Variants in CHD9 observed in about 807,000 individuals in gnomAD.
The protein encoded by CHD9 is ATP-dependent chromatin remodeler CHD9.
A neutral mutation model predicts 316.1 loss-of-function variants in CHD9; 77 were observed. That is an observed-to-expected ratio of 0.24 (90% CI 0.20 to 0.29). The LOEUF is 0.29. Ranked by LOEUF, CHD9 falls within the 10% of genes least tolerant of loss-of-function variation. The pLI is 1.00. For synonymous variants in CHD9, 1,129 were observed against 1,158.3 expected (o/e 0.97, Z 0.51); for missense variants, 2,763 against 3,438.1 (o/e 0.80, Z 4.91).
rs2041555631 is a variant in CHD9, at chr16:53,156,856, C to T, written c.767C>T (p.Ser256Phe). 6.2e-7 allele frequency: 1 copy of T among 1,613,656 alleles called. No individual in the cohort carries two copies. Among genetic ancestry groups the T allele is most frequent in the African/African-American group, 1.3e-5 (1 of 75,054 alleles). ...SHQEGNFNGP[S>F]PNMTSCSVSN... ...CAAGAAGGAAATTTTAATGGACCTT[C>T]CCCAAATATGACTTCTTGTTCTGTC... is the stretch of plus-strand genomic sequence containing the variant. The change falls in exon 2 of 39, where the codon TCC becomes TTC. Residue 256 changes from serine to phenylalanine, a missense_variant. Around this residue, in one of 15 missense-constraint regions of CHD9, gnomAD observed 859 missense variants for 890.4 expected, o/e 0.96. Transcript: ENST00000447540.
intron 29 of CHD9, among the ~76,000 whole-genome samples, chr16:53,294,130 G>A (rs1481993669): frequency 2.0e-5 from 3 of 152,112 alleles, no homozygotes; most frequent in Admixed American, 6.6e-5. Context: ...AATCGCAAGC[G>A]ACCTTATTAA....
At chr16:53,112,647 A>G (rs1486692986) in intron 1 of CHD9, among the ~76,000 whole-genome samples, 1 of 152,246 alleles carries the variant, frequency 6.6e-6, no homozygotes, top group Non-Finnish European at 1.5e-5. Context: ...TTCACTAACA[A>G]GACAAAAGAC....
At chr16:53,086,944 G>C (rs1353498582) in intron 1 of CHD9, among the ~76,000 whole-genome samples, 1 of 152,118 alleles carries the variant, frequency 6.6e-6, no homozygotes, top group Non-Finnish European at 1.5e-5. Flanking sequence ...ATCTTCAGGT[G>C]TCCCTTTCTG....
chr16:53,179,169 A>G (rs945181717), intron 2 of CHD9, among the ~76,000 whole-genome samples: 4 of 152,242 alleles, frequency 2.6e-5, no homozygotes, highest in Non-Finnish European at 4.4e-5. Context: ...TGCAGTTATC[A>G]TGAGACTTTA....
chr16:53,088,583 G>A (rs954406719), intron 1 of CHD9, among the ~76,000 whole-genome samples: 2 of 151,680 alleles, frequency 1.3e-5, no homozygotes, highest in Non-Finnish European at 2.9e-5. Flanking sequence ...CGGCCAACAT[G>A]CACTTATTTA....
At chr16:53,181,425 A>C (rs2043511856) in intron 2 of CHD9, among the ~76,000 whole-genome samples, 3 of 151,848 alleles carry the variant, frequency 2.0e-5, no homozygotes, top group Admixed American at 6.6e-5. Flanking sequence ...ATGGTACAGT[A>C]ATTTAAGTAA....
At chr16:53,219,559 C>G (rs2047065696) in intron 3 of CHD9, among the ~76,000 whole-genome samples, 1 of 152,072 alleles carries the variant, frequency 6.6e-6, no homozygotes, top group Admixed American at 6.5e-5. Context: ...TAGTGAGAAC[C>G]AGAAGACTCT....
At chr16:53,285,976 G>T (rs2053837917) in intron 25 of CHD9, among the ~76,000 whole-genome samples, 1 of 151,922 alleles carries the variant, frequency 6.6e-6, no homozygotes, top group Admixed American at 6.6e-5. Flanking sequence ...TTTGTGTGTG[G>T]GTATGATCAG....
At chr16:53,305,781 C>A (rs1028091694) in intron 31 of CHD9, among the ~76,000 whole-genome samples, 1 of 152,156 alleles carries the variant, frequency 6.6e-6, no homozygotes, top group African/African-American at 2.4e-5. Flanking sequence ...GTAACAACTC[C>A]ATAGGCATAA....
chr16:53,128,227 G>A (rs1483776281), intron 1 of CHD9, among the ~76,000 whole-genome samples: 1 of 152,056 alleles, frequency 6.6e-6, no homozygotes, highest in Admixed American at 6.6e-5. Flanking sequence ...CTGTCATCCA[G>A]GATGGAGTGC....
At chr16:53,291,256 A>G (rs921911227) in intron 27 of CHD9, among the ~76,000 whole-genome samples, 5 of 152,232 alleles carry the variant, frequency 3.3e-5, no homozygotes, top group African/African-American at 1.2e-4. Flanking sequence ...GGAATAGCTA[A>G]TTAAAGATGC....
At chr16:53,142,642 A>G (rs772896798) in intron 1 of CHD9, among the ~76,000 whole-genome samples, 1 of 152,250 alleles carries the variant, frequency 6.6e-6, no homozygotes, top group African/African-American at 2.4e-5. Context: ...TCAAGGTTAC[A>G]CAGCTTAGAA....
In CHD9 at chr16:53,263,062, A is replaced by C; in HGVS notation, c.4285A>C (p.Lys1429Gln). The C allele has an allele frequency of 6.2e-7, 1 of 1,612,922 alleles. No individual in the cohort carries two copies. Among genetic ancestry groups the C allele is most frequent in the Non-Finnish European group, 8.5e-7 (1 of 1,179,186 alleles). ...CAACTTCTGGCAAAAATGGGCTAAA[A>C]AGGCAGAAATAGATATAGAGGCCAT... is the stretch of plus-strand genomic sequence containing the variant. ...DPNFWQKWAK[K>Q]AEIDIEAISG... is the part of the protein sequence containing the mutation. The change falls in exon 20 of 39, where the codon AAG becomes CAG. Residue 1429 changes from lysine (K) to glutamine (Q), a missense_variant. Transcript: ENST00000447540.
rs779689105 is a variant in CHD9, at chr16:53,321,679, C to T, written c.7818+49C>T. 442 of 953,822 alleles carry T rather than the reference C, an allele frequency of 4.6e-4. 4 individuals carry two copies. Among genetic ancestry groups the T allele is most frequent in the Non-Finnish European group, 2.5e-4 (168 of 662,070 alleles). The allele number at this position is 953,822 out of a possible 1,614,324, so 59.1% of individuals were successfully genotyped here. On this transcript the variant is annotated intron_variant, in intron 38 of 38. Transcript: ENST00000447540. ...TCATACATTATTTTCAAATTAGGTG[C>T]CATTCAATTATATCTTAGATTAATT...
rs2056721323 is a variant in CHD9, at chr16:53,314,365, T to A, written c.7223-12T>A. 2.0e-6 allele frequency: 3 copies of A among 1,530,826 alleles called. No individual in the cohort carries two copies. In the South Asian group the frequency reaches 3.8e-5, roughly 19 times the overall value. 94.8% of individuals were successfully genotyped at this position (1,530,826 alleles called of 1,614,324 possible). On this transcript the variant is annotated splice_polypyrimidine_tract_variant and intron_variant, in intron 34 of 38. Coordinates refer to ENST00000447540, the MANE Select transcript of CHD9 (RefSeq NM_001308319.2). ...AATTTGTATCACCATTTTGCATTTTTAATTCAATTAGGTACTTCCATTCAA... is the reference window on the plus strand; with the variant it reads ...AATTTGTATCACCATTTTGCATTTTAAATTCAATTAGGTACTTCCATTCAA...
intron 1 of CHD9, among the ~76,000 whole-genome samples, chr16:53,125,013 CA>C (rs1457438747): frequency 6.6e-6 from 1 of 152,252 alleles, no homozygotes; most frequent in African/African-American, 2.4e-5. Flanking sequence ...ATTTCTCTAA[CA>C]ACTAATGTGT....
intron 1 of CHD9, among the ~76,000 whole-genome samples, chr16:53,107,984 A>G (rs752088888): frequency 2.0e-5 from 3 of 152,190 alleles, no homozygotes; most frequent in Non-Finnish European, 2.9e-5. Flanking sequence ...GAGGACTACA[A>G]TAAAAGAAGG....
intron 1 of CHD9, among the ~76,000 whole-genome samples, chr16:53,137,522 C>T (rs78305536): frequency 0.017 from 2,595 of 152,180 alleles, 82 homozygotes; most frequent in African/African-American, 0.06. Flanking sequence ...TTTGTTGTTC[C>T]AATTTCTACT....
chr16:53,271,399 T>C, intron 22 of CHD9, among the ~76,000 whole-genome samples: 1 of 151,626 alleles, frequency 6.6e-6, no homozygotes, highest in East Asian at 1.9e-4. Context: ...TGAAACCCCG[T>C]CTCTACTAAA....
Sources: gnomAD v4.1 joint callset for allele counts (sites outside exome capture counted in the v4.1 genomes callset) on GRCh38, gnomAD v4.1.1 for gene constraint, gnomAD v4.1.1 regional missense constraint, MANE v1.5 for transcripts, NCBI Gene and HGNC (gene_info 2026-07-23, HGNC 2026-07-21) for gene names.